KLF12: variants seen among roughly 807,000 people sequenced by gnomAD.
The protein encoded by KLF12 is Krueppel-like factor 12.
A neutral mutation model predicts 37.8 loss-of-function variants in KLF12; 9 were observed. The observed-to-expected ratio is 0.24, with a 90% CI of 0.14 to 0.42. The LOEUF (loss-of-function observed/expected upper bound fraction) is 0.42, where lower values mean the gene tolerates loss of function less well. Among genes scored for constraint, KLF12 ranks in the 10% least tolerant of loss-of-function variants. The pLI, the probability that KLF12 is intolerant of heterozygous loss-of-function variation, is 1.00. For missense variants in KLF12, 411 were observed against 516.0 expected (o/e 0.80, Z 1.97); for synonymous variants, 208 against 202.1 (o/e 1.03, Z -0.25).
chr13:73,732,425 G>T (rs1877135841), intron 6 of KLF12, among the ~76,000 whole-genome samples: 1 of 151,964 alleles, frequency 6.6e-6, no homozygotes, highest in South Asian at 2.1e-4. Context: ...GAGAAATCTG[G>T]GGTTCAGTCA....
intron 5 of KLF12, among the ~76,000 whole-genome samples, chr13:73,782,130 T>G (rs1430122420): frequency 6.6e-6 from 1 of 152,206 alleles, no homozygotes; most frequent in Non-Finnish European, 1.5e-5. Context: ...TAGACCAGAC[T>G]GCCGGGGTTC....
chr13:73,827,657 G>C (rs572691433), intron 4 of KLF12, among the ~76,000 whole-genome samples: 1 of 152,294 alleles, frequency 6.6e-6, no homozygotes, highest in Admixed American at 6.5e-5. Flanking sequence ...CTGCCTCCCA[G>C]GTTCAAGTGA....
At chr13:73,704,055 T>C (rs972980866) in intron 7 of KLF12, among the ~76,000 whole-genome samples, 1 of 152,230 alleles carries the variant, frequency 6.6e-6, no homozygotes, top group African/African-American at 2.4e-5. Context: ...GTAGTGACCT[T>C]TCTTTTCCTA....
intron 4 of KLF12, among the ~76,000 whole-genome samples, chr13:73,813,924 C>T (rs74095758): frequency 0.11 from 16,000 of 152,238 alleles, 1,005 homozygotes; most frequent in African/African-American, 0.18. Context: ...TCCTGTTTTA[C>T]TTTTCCAGAT....
intron 1 of KLF12, among the ~76,000 whole-genome samples, chr13:74,088,073 A>G (rs1012944843): frequency 2.0e-5 from 3 of 152,132 alleles, no homozygotes; most frequent in Non-Finnish European, 4.4e-5. Flanking sequence ...AAACAAAAGC[A>G]TGGTCTTGCT....
chr13:74,163,398 A>G, the KLF12 span, among the ~76,000 whole-genome samples: 1 of 152,236 alleles, frequency 6.6e-6, no homozygotes, highest in African/African-American at 2.4e-5. Context: ...CTATTCAGCC[A>G]TAAGAAAAGA....
rs918671326 is a variant in KLF12 at position 73,745,731 on chromosome 13, T to C, written c.869+19207A>G. Among the ~76,000 whole-genome samples, 5 of 152,288 alleles carry C rather than the reference T, an allele frequency of 3.3e-5. No homozygotes were observed. The East Asian group carries it at 5.8e-4, about 18-fold the overall frequency. On this transcript the variant is annotated intron_variant, in intron 6 of 7. Coordinates refer to ENST00000377669, the MANE Select transcript of KLF12 (RefSeq NM_007249.5). ...AATAATCACAAATTTGCAAAAGCTA[T>C]GCATTATTTCAGATAACACCAAGCA...
At chr13:73,852,679 A>C (rs1234887666) in intron 3 of KLF12, among the ~76,000 whole-genome samples, 1 of 151,614 alleles carries the variant, frequency 6.6e-6, no homozygotes, top group Non-Finnish European at 1.5e-5. Flanking sequence ...GGGGAAGCTG[A>C]GGCAGGAGAA....
chr13:73,817,374 C>T (rs992404469), intron 4 of KLF12, among the ~76,000 whole-genome samples: 1 of 145,900 alleles, frequency 6.9e-6, no homozygotes, highest in African/African-American at 2.5e-5. Context: ...AAGAAAAAGA[C>T]AAGACTTGCT....
the KLF12 span, chr13:74,231,553 T>G: frequency 6.6e-6 from 1 of 152,250 alleles, no homozygotes; most frequent in Admixed American, 6.5e-5. Flanking sequence ...CTTTCTGTTA[T>G]GTCATGTTTC....
chr13:74,064,086 G>GA (rs1316814232), intron 1 of KLF12, among the ~76,000 whole-genome samples: 9 of 151,764 alleles, frequency 5.9e-5, no homozygotes, highest in African/African-American at 2.2e-4. Flanking sequence ...CCCAAAAGAG[G>GA]AAAAAAATCA....
At chr13:74,262,336 C>T in the KLF12 span, among the ~76,000 whole-genome samples, 2 of 152,128 alleles carry the variant, frequency 1.3e-5, no homozygotes, top group Non-Finnish European at 2.9e-5. Flanking sequence ...TAGCCTGAGA[C>T]ATTATAGCTT....
intron 6 of KLF12, among the ~76,000 whole-genome samples, chr13:73,717,911 G>T (rs1875935464): frequency 6.6e-6 from 1 of 152,118 alleles, no homozygotes; most frequent in Non-Finnish European, 1.5e-5. Context: ...TTCATTTCTG[G>T]AATATGTAGT....
At chr13:74,112,099 T>C (rs1236062912) in intron 1 of KLF12, among the ~76,000 whole-genome samples, 1 of 152,182 alleles carries the variant, frequency 6.6e-6, no homozygotes, top group Non-Finnish European at 1.5e-5. Context: ...CAATGACCTA[T>C]GGACCAAACA....
At chr13:73,805,309 G>C (rs1375704842) in intron 5 of KLF12, among the ~76,000 whole-genome samples, 1 of 151,832 alleles carries the variant, frequency 6.6e-6, no homozygotes, top group Non-Finnish European at 1.5e-5. Context: ...AATAACAATG[G>C]ATTTGAAGAT....
At chr13:74,092,849 C>T (rs1255608228) in intron 1 of KLF12, among the ~76,000 whole-genome samples, 1 of 152,122 alleles carries the variant, frequency 6.6e-6, no homozygotes, top group Admixed American at 6.5e-5. Flanking sequence ...TGCTCAACAT[C>T]GTTAGTTATC....
At chr13:73,809,812 T>C (rs1031093788) in intron 5 of KLF12, among the ~76,000 whole-genome samples, 2 of 152,210 alleles carry the variant, frequency 1.3e-5, no homozygotes, top group Admixed American at 6.5e-5. Context: ...TTCCCAGTTG[T>C]TAGCTCAGTG....
intron 2 of KLF12, among the ~76,000 whole-genome samples, chr13:73,987,084 T>C (rs901958941): frequency 3.3e-5 from 5 of 152,202 alleles, no homozygotes; most frequent in Non-Finnish European, 7.3e-5. Flanking sequence ...ATGTTAAATA[T>C]GAATAATCAA....
At chr13:74,275,898 T>C in the KLF12 span, among the ~76,000 whole-genome samples, 1 of 142,076 alleles carries the variant, frequency 7.0e-6, no homozygotes, top group Admixed American at 7.2e-5. Context: ...TCTTTCTTTC[T>C]TTCTTTCTTT....
Sources: allele counts gnomAD v4.1 joint callset (sites outside exome capture counted in the v4.1 genomes callset), GRCh38; gene constraint gnomAD v4.1.1; transcripts MANE v1.5; gene names NCBI Gene and HGNC (gene_info 2026-07-23, HGNC 2026-07-21).